The following TTC7B variants were observed in gnomAD, a reference collection of about 807,000 sequenced individuals.
TTC7B encodes tetratricopeptide repeat protein 7B.
TTC7B carries 28 observed loss-of-function variants against 106.8 expected under a neutral mutation model. That is an observed-to-expected ratio of 0.26 (90% confidence interval 0.19 to 0.36). The LOEUF (loss-of-function observed/expected upper bound fraction) is 0.36. TTC7B is among the 10% of genes least tolerant of loss of function. The pLI is 1.00. For missense variants in TTC7B, 862 were observed against 1,076.4 expected, an observed-to-expected ratio of 0.80 and a Z score of 2.79; for synonymous variants, 405 against 430.6, an observed-to-expected ratio of 0.94 and a Z score of 0.74.
chr14:90,693,843 T>C (rs1205317857), intron 6 of TTC7B, among the ~76,000 whole-genome samples: 1 of 152,152 alleles, frequency 6.6e-6, no homozygotes, highest in East Asian at 1.9e-4. Context: ...GACCCAGCAA[T>C]TCCACTTCTA....
intron 5 of TTC7B, among the ~76,000 whole-genome samples, chr14:90,720,288 T>C (rs776403314): frequency 2.6e-5 from 4 of 152,198 alleles, no homozygotes; most frequent in Non-Finnish European, 5.9e-5. Flanking sequence ...CATTTTAAAA[T>C]GGACTCTCAG....
At position 90,535,257 on chromosome 14, in the gene TTC7B, C is replaced by A. The variant is rs950437163; in HGVS notation, c.*6111G>T. The A allele has an allele frequency of 6.6e-6, 1 of 152,404 alleles. No homozygotes were observed. Among genetic ancestry groups the A allele is most frequent in the Non-Finnish European group, 1.5e-5 (1 of 68,174 alleles). The allele number at this position is 152,404 out of a possible 1,614,324, so 9.4% of individuals were successfully genotyped here. A position where few individuals can be genotyped will look rare whatever the true frequency, so the allele number is the denominator to read the frequency against. ...CGGCCACACCTGCCCAGGCCCCCAG[C>A]CTGGCTCTGTCCTGAGATCCTCTTG... On this transcript the variant is annotated 3_prime_UTR_variant, in exon 20 of 20. Transcript: ENST00000328459.
chr14:90,698,906 A>G, intron 5 of TTC7B: 2 of 289,272 alleles, frequency 6.9e-6, no homozygotes, highest in South Asian at 2.9e-5. Flanking sequence ...AGGAAAGCCT[A>G]CCACTTTTCA....
chr14:90,795,355 G>A (rs1441467685), intron 1 of TTC7B, among the ~76,000 whole-genome samples: 2 of 152,230 alleles, frequency 1.3e-5, no homozygotes, highest in Admixed American at 6.5e-5. Flanking sequence ...CAGAAGCGGG[G>A]ACCTTACACT....
At position 90,567,225 on chromosome 14, in the gene TTC7B, G is replaced by T. The variant is rs996826034; in HGVS notation, c.2310+10881C>A. ...GCAACCCCACCTTGGCAACATGAGTGCCAAAGGCTAACCTGGAAACTTCTC... is the reference window on the plus strand; with the variant it reads ...GCAACCCCACCTTGGCAACATGAGTTCCAAAGGCTAACCTGGAAACTTCTC... On this transcript the variant is annotated intron_variant, in intron 19 of 19. Coordinates refer to ENST00000328459, the MANE Select transcript of TTC7B (RefSeq NM_001010854.2). 2.4e-4 allele frequency among the ~76,000 whole-genome samples: 36 copies of T among 152,198 alleles called. 1 individual carries two copies. The highest frequency in any genetic ancestry group is 8.8e-5 in the Non-Finnish European group (6 of 68,038).
intron 5 of TTC7B, among the ~76,000 whole-genome samples, chr14:90,700,883 C>T: frequency 6.6e-6 from 1 of 151,576 alleles, no homozygotes; most frequent in East Asian, 2.0e-4. Flanking sequence ...ACCAGATACC[C>T]AGATCTGGAA....
At chr14:90,606,000 A>G (rs1246076216) in intron 17 of TTC7B, among the ~76,000 whole-genome samples, 1 of 152,168 alleles carries the variant, frequency 6.6e-6, no homozygotes, top group African/African-American at 2.4e-5. Context: ...ATAACTCAAG[A>G]TTTACCTGGG....
intron 5 of TTC7B, among the ~76,000 whole-genome samples, chr14:90,699,572 G>A (rs2139952525): frequency 6.6e-6 from 1 of 152,204 alleles, no homozygotes; most frequent in South Asian, 2.1e-4. Flanking sequence ...CAATTTCCTG[G>A]GTAATGAGGA....
chr14:90,749,027 T>C (rs1441791540), intron 3 of TTC7B, among the ~76,000 whole-genome samples: 1 of 152,222 alleles, frequency 6.6e-6, no homozygotes. Flanking sequence ...CAGTTTGCTT[T>C]TTTCCCCCTC....
At chr14:90,660,741 G>T (rs1290254798) in intron 9 of TTC7B, among the ~76,000 whole-genome samples, 1 of 152,214 alleles carries the variant, frequency 6.6e-6, no homozygotes, top group Admixed American at 6.5e-5. Flanking sequence ...AAGAATTCTA[G>T]AATTTTAAAT....
chr14:90,647,018 T>C lies in TTC7B; in HGVS notation c.1523A>G (p.His508Arg). 1 of 1,614,156 alleles carries C rather than the reference T, an allele frequency of 6.2e-7. No homozygotes were observed. The highest frequency in any genetic ancestry group is 8.5e-7 in the Non-Finnish European group (1 of 1,180,026). ...RKALLAFQRAHSLSPTDHQAA... is the reference protein window; with the variant it reads ...RKALLAFQRARSLSPTDHQAA... ...TTGGTGATCTGTGGGTGACAGGCTG[T>C]GGGCCCTGAAAAAGTATTTACGGCT... Residue 508 changes from histidine (H) to arginine (R), a missense_variant, in exon 14 of 20, where the codon CAC becomes CGC. Transcript: ENST00000328459.
rs1046146998 is a variant in TTC7B, at chr14:90,625,126, A to C, written c.1752-7081T>G. ...AATAATGGATCAGGCTGAAGGGGGC[A>C]GGGGGCAAGTATGTTGAAATTTTAA... On this transcript the variant is annotated intron_variant, in intron 15 of 19. Coordinates refer to ENST00000328459, the MANE Select transcript of TTC7B (RefSeq NM_001010854.2). 1.1e-4 allele frequency among the ~76,000 whole-genome samples: 16 copies of C among 152,350 alleles called. 1 individual carries two copies. In the South Asian group the frequency reaches 1.4e-3, roughly 14 times the overall value.
intron 5 of TTC7B, among the ~76,000 whole-genome samples, chr14:90,712,720 A>T (rs1888495745): frequency 6.6e-6 from 1 of 152,126 alleles, no homozygotes; most frequent in South Asian, 2.1e-4. Context: ...CACCTTTATC[A>T]AAACGCTGGC....
intron 9 of TTC7B, among the ~76,000 whole-genome samples, chr14:90,660,330 C>T (rs1309913954): frequency 3.0e-5 from 4 of 132,800 alleles, no homozygotes; most frequent in Non-Finnish European, 4.6e-5. Flanking sequence ...GCCGAGGCTG[C>T]AGCGAGCTGT....
intron 16 of TTC7B, among the ~76,000 whole-genome samples, chr14:90,616,470 C>T (rs1377705082): frequency 3.3e-5 from 5 of 150,668 alleles, no homozygotes; most frequent in South Asian, 2.1e-4. Flanking sequence ...AGCACAGCGC[C>T]GCGCCGCTGT....
At chr14:90,715,394 C>T (rs1888615144) in intron 5 of TTC7B, among the ~76,000 whole-genome samples, 1 of 152,216 alleles carries the variant, frequency 6.6e-6, no homozygotes, top group Admixed American at 6.5e-5. Flanking sequence ...GCCACCTTCT[C>T]AGATTTCTTA....
chr14:90,613,748 G>A (rs1229405345), intron 16 of TTC7B, among the ~76,000 whole-genome samples: 1 of 152,264 alleles, frequency 6.6e-6, no homozygotes, highest in Non-Finnish European at 1.5e-5. Flanking sequence ...CCCAAGGAGG[G>A]AGGCAGGAAG....
chr14:90,649,331 C>T (rs1007984414), intron 13 of TTC7B, among the ~76,000 whole-genome samples: 1 of 152,204 alleles, frequency 6.6e-6, no homozygotes, highest in Non-Finnish European at 1.5e-5. Flanking sequence ...AGAAAAAGCT[C>T]CCTGTGTTGA....
intron 13 of TTC7B, chr14:90,647,349 C>T (rs752397291): frequency 5.8e-5 from 15 of 256,942 alleles, no homozygotes; most frequent in Non-Finnish European, 1.1e-4. Context: ...GCAGATGGGT[C>T]TCTGTGTCGT....
Sources: gnomAD v4.1 joint callset for allele counts (sites outside exome capture counted in the v4.1 genomes callset) on GRCh38, gnomAD v4.1.1 for gene constraint, MANE v1.5 for transcripts, NCBI Gene and HGNC (gene_info 2026-07-23, HGNC 2026-07-21) for gene names.